COL4A2: variants seen among roughly 807,000 people sequenced by gnomAD.
COL4A2 encodes the protein collagen alpha-2(IV) chain.
In COL4A2, 99 loss-of-function variants were observed where a neutral mutation model predicts 200.2. The observed-to-expected ratio is 0.49, with a 90% CI of 0.42 to 0.58. COL4A2 has a LOEUF of 0.58. COL4A2 is among the 20% of genes least tolerant of loss of function. COL4A2 has a pLI of 0.00. For missense variants in COL4A2, 1,950 were observed against 2,314.1 expected (o/e 0.84, Z 3.23); for synonymous variants, 897 against 900.6 (o/e 1.00, Z 0.07).
chr13:110,512,281 T>TAA lies in COL4A2; in HGVS notation c.*101_*102dup. ...CCAAAAATTGGTTTTATTTTTTTCT[T>TAA]AAAAAAAAAAAAGTCTACCAAAGGA... On this transcript the variant is annotated 3_prime_UTR_variant, in exon 48 of 48. Transcript: ENST00000360467. The TAA allele has an allele frequency of 3.0e-6, 4 of 1,351,080 alleles. No homozygotes were observed. Among genetic ancestry groups the TAA allele is most frequent in the South Asian group, 1.5e-5 (1 of 65,516 alleles). The allele number at this position is 1,351,080 out of a possible 1,614,324, so 83.7% of individuals were successfully genotyped here.
At chr13:110,451,115 A>T (rs1298860199) in intron 20 of COL4A2, among the ~76,000 whole-genome samples, 1 of 152,218 alleles carries the variant, frequency 6.6e-6, no homozygotes, top group East Asian at 1.9e-4. Context: ...GTCAGCAAAG[A>T]TGCTCTTTCA....
intron 31 of COL4A2, among the ~76,000 whole-genome samples, chr13:110,480,977 C>CTGCTCTGTCCTTCCGTTGCTGG (rs1882883665): frequency 7.2e-6 from 1 of 138,990 alleles, no homozygotes; most frequent in African/African-American, 2.7e-5. Context: ...TGGAGACACA[C>CTGCTCTGTCCTTCCGTTGCTGG]AGTTCTGTCC....
At chr13:110,356,175 A>T (rs1390829350) in intron 3 of COL4A2, among the ~76,000 whole-genome samples, 3 of 152,194 alleles carry the variant, frequency 2.0e-5, no homozygotes, top group Non-Finnish European at 4.4e-5. Context: ...GGGATTGCCC[A>T]TCCAGGGAAC....
rs1402584778 is a variant in COL4A2, at chr13:110,446,823, C to G, written c.1037C>G (p.Pro346Arg). ...GGAGAAGCCGGAGACCCAGGGCCCC[C>G]TGGACTACCTGCCTACTCCCCTCAC... is the stretch of plus-strand genomic sequence containing the variant. ...PKGEAGDPGP[P>R]GLPAYSPHPS... Residue 346 changes from proline (P) to arginine (R), a missense_variant, in exon 18 of 48, where the codon CCT becomes CGT. This residue lies in a region of COL4A2 where 565 missense variants were observed against 593.5 expected (regional missense o/e 0.95). Transcript: ENST00000360467. The G allele has an allele frequency of 4.3e-6, 7 of 1,612,944 alleles. No homozygotes were observed. The highest frequency in any genetic ancestry group is 4.5e-5 in the East Asian group (2 of 44,838).
intron 23 of COL4A2, 37 bp downstream of exon 23, chr13:110,462,223 T>TGAGCCTTCCTGTGGGCACC: frequency 6.2e-7 from 1 of 1,614,288 alleles, no homozygotes. Context: ...CCTGGGGCAC[T>TGAGCCTTCCTGTGGGCACC]GAGCCTTCCT....
chr13:110,477,576 G>GA (rs917942949), intron 29 of COL4A2, among the ~76,000 whole-genome samples: 2 of 152,238 alleles, frequency 1.3e-5, no homozygotes, highest in South Asian at 2.1e-4. Flanking sequence ...TTGCAAAAGT[G>GA]AAAAAAATGG....
At position 110,365,369 on chromosome 13, in the gene COL4A2, G is replaced by A. The variant is rs144889363; in HGVS notation, c.180+7817G>A. Among the ~76,000 whole-genome samples, 271 of 152,296 alleles carry A rather than the reference G, an allele frequency of 1.8e-3. 1 individual carries two copies. The highest frequency in any genetic ancestry group is 6.4e-3 in the African/African-American group (264 of 41,552). On this transcript the variant is annotated intron_variant, in intron 4 of 47. Coordinates refer to ENST00000360467, the MANE Select transcript of COL4A2 (RefSeq NM_001846.4). ...TTGGCCAGGATGGTCTCGAACTCCT[G>A]ACCTCAGGTGATTCACCTGCCTCGG...
chr13:110,361,257 T>A (rs1877499173), intron 4 of COL4A2, among the ~76,000 whole-genome samples: 1 of 152,250 alleles, frequency 6.6e-6, no homozygotes, highest in Non-Finnish European at 1.5e-5. Flanking sequence ...AATGTGCTCT[T>A]GCAGAAGCAT....
intron 4 of COL4A2, among the ~76,000 whole-genome samples, chr13:110,363,217 T>G (rs534572848): frequency 5.4e-4 from 82 of 152,304 alleles, no homozygotes; most frequent in South Asian, 1.7e-3. Flanking sequence ...CAGTGCCCCC[T>G]GTGGCCTGGC....
In COL4A2 at chr13:110,336,834, C is replaced by T. The variant is rs141345005; in HGVS notation, c.100-20638C>T. The stretch of plus-strand genomic sequence containing the variant: ...GCCTCCAGCAAAGGCAGTTCTTCCT[C>T]TGCTCCCTCTGAAGCAGTTCATGGG... On this transcript the variant is annotated intron_variant, in intron 3 of 47. Transcript: ENST00000360467. Among the ~76,000 whole-genome samples the T allele has an allele frequency of 5.7e-3, 861 of 152,346 alleles. 8 individuals carry two copies. Among genetic ancestry groups the T allele is most frequent in the Non-Finnish European group, 7.3e-3 (494 of 68,036 alleles).
intron 34 of COL4A2, among the ~76,000 whole-genome samples, chr13:110,488,781 T>C (rs1015512905): frequency 2.0e-5 from 3 of 152,206 alleles, no homozygotes; most frequent in Admixed American, 2.0e-4. Context: ...GGGTCCACCA[T>C]GTGCACGCGG....
intron 26 of COL4A2, 97 bp downstream of exon 26, chr13:110,466,159 A>G: frequency 7.1e-7 from 1 of 1,417,012 alleles, no homozygotes; most frequent in East Asian, 2.3e-5. Flanking sequence ...AGAAATATTA[A>G]TAATATGTGC....
Position 110,503,133 on chromosome 13 carries a change from C to A in COL4A2, c.3890C>A (p.Pro1297Gln). The change falls in exon 42 of 48, where the codon CCA becomes CAA. Residue 1297 changes from proline to glutamine, a missense_variant. Pro to Gln is a moderately conservative substitution (Grantham distance 76). This residue lies in a region of COL4A2 where 1,385 missense variants were observed against 1,720.5 expected (regional missense o/e 0.80). Transcript: ENST00000360467. ...GIFGLKGYRG[P>Q]PGPPGSAALP... Reference sequence around the variant, plus strand: ...CTAATGCCAACAGGTTATCGGGGCCCACCAGGGCCACCAGGTTCTGCTGCT... The same window carrying A: ...CTAATGCCAACAGGTTATCGGGGCCAACCAGGGCCACCAGGTTCTGCTGCT... 1 of 1,613,732 alleles carries A rather than the reference C, an allele frequency of 6.2e-7. No homozygotes were observed. Among genetic ancestry groups the A allele is most frequent in the Non-Finnish European group, 8.5e-7 (1 of 1,179,936 alleles).
chr13:110,505,981 A>C (rs1282438428), intron 45 of COL4A2, among the ~76,000 whole-genome samples: 1 of 152,178 alleles, frequency 6.6e-6, no homozygotes, highest in Admixed American at 6.5e-5. Context: ...CTGAGAACAA[A>C]GTGTGGATCA....
At chr13:110,393,540 G>A (rs1879069406) in intron 4 of COL4A2, among the ~76,000 whole-genome samples, 1 of 151,672 alleles carries the variant, frequency 6.6e-6, no homozygotes, top group Non-Finnish European at 1.5e-5. Flanking sequence ...TATATTTAGT[G>A]CTGAAATTCT....
At chr13:110,503,759 C>A in intron 43 of COL4A2, 88 bp from the exon 44 acceptor site, 2 of 1,509,982 alleles carry the variant, frequency 1.3e-6, no homozygotes, top group Non-Finnish European at 9.1e-7. Context: ...CCAAAAGAAG[C>A]CTCCCTGGTG....
At chr13:110,352,016 T>C (rs1876980963) in intron 3 of COL4A2, among the ~76,000 whole-genome samples, 1 of 152,144 alleles carries the variant, frequency 6.6e-6, no homozygotes, top group African/African-American at 2.4e-5. Context: ...CACAGCAGTG[T>C]TGGAGCATCC....
intron 3 of COL4A2, among the ~76,000 whole-genome samples, chr13:110,355,051 A>T (rs1877132150): frequency 1.3e-5 from 2 of 152,248 alleles, no homozygotes; most frequent in African/African-American, 4.8e-5. Context: ...GTAACTCAGA[A>T]GAGAGTGAAA....
At chr13:110,486,930 G>A (rs149517967) in intron 34 of COL4A2, among the ~76,000 whole-genome samples, 25 of 152,172 alleles carry the variant, frequency 1.6e-4, no homozygotes, top group Non-Finnish European at 3.5e-4. Context: ...GGCAGAAACC[G>A]GCCATCTGGA....
Sources: gnomAD v4.1 joint callset for allele counts (sites outside exome capture counted in the v4.1 genomes callset) on GRCh38, gnomAD v4.1.1 for gene constraint, gnomAD v4.1.1 regional missense constraint, MANE v1.5 for transcripts, NCBI Gene and HGNC (gene_info 2026-07-23, HGNC 2026-07-21) for gene names.